The following CSMD1 variants were observed in gnomAD, a reference collection of about 807,000 sequenced individuals.
The protein encoded by CSMD1 is CUB and Sushi multiple domains 1, also known as CUB and sushi domain-containing protein 1.
In CSMD1, 213 loss-of-function variants were observed where a neutral mutation model predicts 417.5. The observed-to-expected ratio is 0.51, with a 90% CI of 0.46 to 0.57. CSMD1 has a LOEUF of 0.57. Among genes scored for constraint, CSMD1 ranks in the 20% least tolerant of loss-of-function variants. CSMD1 has a pLI of 0.00. For missense variants in CSMD1, 6,923 were observed against 4,529.7 expected, an observed-to-expected ratio of 1.53 and a Z score of -15.17; for synonymous variants, 2,862 against 1,736.8, an observed-to-expected ratio of 1.65 and a Z score of -16.11.
At chr8:4,323,736 A>T (rs1159372607) in intron 3 of CSMD1, among the ~76,000 whole-genome samples, 2 of 142,886 alleles carry the variant, frequency 1.4e-5, no homozygotes, top group Non-Finnish European at 3.1e-5. Flanking sequence ...GGTATTTCAC[A>T]TCCGCTCACT....
rs186746605 is a variant in CSMD1, at chr8:3,537,503, G to T, written c.1344+37442C>A. On this transcript the variant is annotated intron_variant, in intron 10 of 69. Coordinates refer to ENST00000635120, the MANE Select transcript of CSMD1 (RefSeq NM_033225.6). ...GATTTCCTCAGGAATTTAAGACATT[G>T]GTTCATAAATGTTTGGACAAACCCC... Among the ~76,000 whole-genome samples the T allele has an allele frequency of 6.6e-5, 10 of 152,186 alleles. No homozygotes were observed. In the East Asian group the frequency reaches 1.9e-3, roughly 29 times the overall value.
chr8:3,332,668 AGTGCGTGCATGTGTGC>A (rs1290366591), intron 23 of CSMD1, among the ~76,000 whole-genome samples: 1 of 151,988 alleles, frequency 6.6e-6, no homozygotes, highest in Non-Finnish European at 1.5e-5. Context: ...TGTGTGTGGG[AGTGCGTGCATGTGTGC>A]GTGCGCACAC....
rs1456006277 is a variant in CSMD1 at position 3,025,450 on chromosome 8, G to A, written c.7855+3869C>T. Among the ~76,000 whole-genome samples, 3 of 151,858 alleles carry A rather than the reference G, an allele frequency of 2.0e-5. No homozygotes were observed. The East Asian group carries it at 5.8e-4, about 29-fold the overall frequency. ...ATTCTGAAACCGTGTATTGTGTGGTGTTCTTCTGAAACTGTGTATTGTGTG... is the reference window on the plus strand; with the variant it reads ...ATTCTGAAACCGTGTATTGTGTGGTATTCTTCTGAAACTGTGTATTGTGTG... On this transcript the variant is annotated intron_variant, in intron 51 of 69. Transcript: ENST00000635120.
At chr8:4,159,017 G>C (rs942388556) in intron 3 of CSMD1, among the ~76,000 whole-genome samples, 1 of 152,112 alleles carries the variant, frequency 6.6e-6, no homozygotes, top group South Asian at 2.1e-4. Context: ...CCAGATTCAA[G>C]CGATTCTCCT....
chr8:4,102,327 A>C (rs992142381), intron 3 of CSMD1, among the ~76,000 whole-genome samples: 2 of 152,198 alleles, frequency 1.3e-5, no homozygotes, highest in Admixed American at 6.5e-5. Flanking sequence ...AATTTTAAAC[A>C]AATATGTAGA....
intron 1 of CSMD1, among the ~76,000 whole-genome samples, chr8:4,676,798 C>T (rs1197801147): frequency 6.6e-6 from 1 of 151,748 alleles, no homozygotes; most frequent in Non-Finnish European, 1.5e-5. Context: ...CAGCGAGTTG[C>T]TCATTTTATA....
At chr8:3,874,546 A>T (rs948483035) in intron 5 of CSMD1, among the ~76,000 whole-genome samples, 1 of 152,220 alleles carries the variant, frequency 6.6e-6, no homozygotes. Flanking sequence ...TACAAGCAGC[A>T]TCTTAGGGAG....
At chr8:3,681,166 A>G (rs1039614483) in intron 7 of CSMD1, among the ~76,000 whole-genome samples, 2 of 152,180 alleles carry the variant, frequency 1.3e-5, no homozygotes, top group South Asian at 2.1e-4. Flanking sequence ...CCTATTCAAC[A>G]TAGTGTTGGA....
chr8:3,621,399 C>A (rs1584974088), intron 7 of CSMD1, among the ~76,000 whole-genome samples: 1 of 151,868 alleles, frequency 6.6e-6, no homozygotes, highest in Non-Finnish European at 1.5e-5. Context: ...AGTCAGAGAG[C>A]CAGAAAGTAG....
intron 2 of CSMD1, among the ~76,000 whole-genome samples, chr8:4,433,940 G>C (rs936916475): frequency 3.3e-5 from 5 of 152,140 alleles, no homozygotes; most frequent in Non-Finnish European, 5.9e-5. Context: ...GAAACTTGTA[G>C]AATTGAGGTT....
intron 10 of CSMD1, among the ~76,000 whole-genome samples, chr8:3,524,871 A>G (rs550121429): frequency 6.7e-6 from 1 of 148,954 alleles, no homozygotes; most frequent in Non-Finnish European, 1.5e-5. Flanking sequence ...ACATCACTGT[A>G]TTTAAGAACA....
chr8:3,288,718 T>C (rs937067424), intron 25 of CSMD1, among the ~76,000 whole-genome samples: 20 of 147,250 alleles, frequency 1.4e-4, no homozygotes, highest in Non-Finnish European at 1.8e-4. Context: ...TGATAGCAGT[T>C]TATCAATTTT....
rs1423486881 is a variant in CSMD1 at position 3,853,871 on chromosome 8, C to G, written c.819-99829G>C. On this transcript the variant is annotated intron_variant, in intron 5 of 69. Transcript: ENST00000635120. Reference sequence around the variant, plus strand: ...GTACCCTAAAACTTAATATATTATACTTTAATATATTAATATATTATACTT... The same window carrying G: ...GTACCCTAAAACTTAATATATTATAGTTTAATATATTAATATATTATACTT... Among the ~76,000 whole-genome samples the G allele has an allele frequency of 1.4e-3, 190 of 137,128 alleles. 2 individuals carry two copies. The highest frequency in any genetic ancestry group is 1.4e-3 in the Non-Finnish European group (87 of 62,888). 90.0% of individuals were successfully genotyped at this position (137,128 alleles called of 152,430 possible).
intron 10 of CSMD1, among the ~76,000 whole-genome samples, chr8:3,494,426 T>G (rs1405414311): frequency 6.6e-6 from 1 of 152,126 alleles, no homozygotes. Flanking sequence ...AAGAAAAAGT[T>G]AGGCTAGAAC....
At chr8:4,490,725 G>T (rs545573321) in intron 2 of CSMD1, among the ~76,000 whole-genome samples, 1 of 152,144 alleles carries the variant, frequency 6.6e-6, no homozygotes, top group African/African-American at 2.4e-5. Context: ...AGACAACAGA[G>T]GCCAGAAGCC....
chr8:4,973,653 T>C (rs1563909621), intron 1 of CSMD1, among the ~76,000 whole-genome samples: 1 of 152,196 alleles, frequency 6.6e-6, no homozygotes, highest in African/African-American at 2.4e-5. Flanking sequence ...AAGTACACTC[T>C]ATTGAAGAAT....
intron 3 of CSMD1, among the ~76,000 whole-genome samples, chr8:4,071,430 T>C (rs751800078): frequency 6.6e-6 from 1 of 152,190 alleles, no homozygotes; most frequent in East Asian, 1.9e-4. Flanking sequence ...TATTTAATTA[T>C]TCATTTGATT....
intron 54 of CSMD1, among the ~76,000 whole-genome samples, chr8:2,997,067 C>A (rs1484054518): frequency 6.6e-6 from 1 of 152,230 alleles, no homozygotes; most frequent in African/African-American, 2.4e-5. Flanking sequence ...ACTGGCTTCA[C>A]CCCCTCACTC....
At chr8:4,035,149 G>C (rs899914857) in intron 3 of CSMD1, among the ~76,000 whole-genome samples, 3 of 151,366 alleles carry the variant, frequency 2.0e-5, no homozygotes, top group African/African-American at 7.3e-5. Flanking sequence ...TACAACATCG[G>C]TCCCAGGAGA....
Sources: gnomAD v4.1 joint callset for allele counts (sites outside exome capture counted in the v4.1 genomes callset) on GRCh38, gnomAD v4.1.1 for gene constraint, MANE v1.5 for transcripts, NCBI Gene and HGNC (gene_info 2026-07-23, HGNC 2026-07-21) for gene names.